The following ZFYVE26 variants were observed in gnomAD, a reference collection of about 807,000 sequenced individuals.
The protein encoded by ZFYVE26 is zinc finger FYVE domain-containing protein 26.
In ZFYVE26, 181 loss-of-function variants were observed where a neutral mutation model predicts 276.5. That is an observed-to-expected ratio of 0.65 (90% CI 0.58 to 0.74). The LOEUF (loss-of-function observed/expected upper bound fraction) is 0.74, where lower values mean the gene tolerates loss of function less well. ZFYVE26 is among the 30% of genes least tolerant of loss of function. The probability of loss-of-function intolerance (pLI) is 0.00; values close to 1 mark genes in which losing one functional copy is unlikely to be tolerated. For missense variants in ZFYVE26, 2,821 were observed against 3,097.9 expected (o/e 0.91, Z 2.12); for synonymous variants, 1,129 against 1,203.1 (o/e 0.94, Z 1.27).
chr14:67,812,852 T>C (rs1273891931), intron 3 of ZFYVE26, among the ~76,000 whole-genome samples: 1 of 152,268 alleles, frequency 6.6e-6, no homozygotes, highest in Non-Finnish European at 1.5e-5. Flanking sequence ...GATACTATAG[T>C]AACTATAGGT....
rs566537373 is a variant in ZFYVE26, at chr14:67,755,782, CTAA to C, written c.6786+163_6786+165del. The stretch of plus-strand genomic sequence containing the variant: ...TGCCCCCAAACTTAGGATGGAAATC[CTAA>C]TATTATTTAACAATACTGGAGAGCA... On this transcript the variant is annotated intron_variant, in intron 36 of 41. Transcript: ENST00000347230. 7.6e-4 allele frequency among the ~76,000 whole-genome samples: 115 copies of C among 152,196 alleles called. 1 individual carries two copies. The highest frequency in any genetic ancestry group is 2.7e-3 in the African/African-American group (112 of 41,532).
In ZFYVE26 at chr14:67,790,656, T is replaced by C. The variant is rs774459902; in HGVS notation, c.2671A>G (p.Asn891Asp). The change falls in exon 15 of 42, where the codon AAC becomes GAC. Residue 891 changes from asparagine to aspartate, a missense_variant. Transcript: ENST00000347230. ...ATGGTGCTGCTACCCGCATCTGAGT[T>C]CTGGTTTTCAATCTTGTGCTCTACT... ...AQVEHKIENQ[N>D]SDAGSSTIRR... 2 of 1,614,180 alleles carry C rather than the reference T, an allele frequency of 1.2e-6. No homozygotes were observed. Among genetic ancestry groups the C allele is most frequent in the Non-Finnish European group, 1.7e-6 (2 of 1,180,002 alleles).
chr14:67,750,077 C>A (rs550138290), intron 41 of ZFYVE26, among the ~76,000 whole-genome samples: 1 of 152,302 alleles, frequency 6.6e-6, no homozygotes, highest in South Asian at 2.1e-4. Flanking sequence ...TCAGTGAAGG[C>A]TTGAGAAAGA....
chr14:67,798,308 C>G lies in ZFYVE26; in HGVS notation c.1954G>C (p.Glu652Gln), dbSNP rs1204982872. The part of the protein sequence containing the change: ...AYTMPSHVKA[E>Q]PKDSYPGPHR... ...GGCCCTGGGTAACTGTCTTTTGGCT[C>G]TGCCTTCACATGGCTTGGCATTGTA... Residue 652 changes from glutamate (E) to glutamine (Q), a missense_variant, in exon 11 of 42, where the codon GAG (glutamate) becomes CAG (glutamine). By Grantham distance (29) the Glu-to-Gln change is conservative. Coordinates refer to ENST00000347230, the MANE Select transcript of ZFYVE26 (RefSeq NM_015346.4). 6.2e-7 allele frequency: 1 copy of G among 1,613,882 alleles called. No homozygotes were observed. Among genetic ancestry groups the G allele is most frequent in the Non-Finnish European group, 8.5e-7 (1 of 1,179,928 alleles).
chr14:67,797,349 T>C (rs1465082900), intron 12 of ZFYVE26: 1 of 367,360 alleles, frequency 2.7e-6, no homozygotes, highest in Non-Finnish European at 5.1e-6. Flanking sequence ...GTATTTAAAA[T>C]GGTAAGTGAA....
At chr14:67,773,377 C>A (rs1439427693) in intron 27 of ZFYVE26, among the ~76,000 whole-genome samples, 1 of 151,940 alleles carries the variant, frequency 6.6e-6, no homozygotes, top group Non-Finnish European at 1.5e-5. Flanking sequence ...AAAGCAAGAT[C>A]CTGTCTCTAC....
intron 41 of ZFYVE26, 163 bp downstream of exon 41, chr14:67,750,889 C>A: frequency 1.2e-6 from 1 of 868,370 alleles, no homozygotes; most frequent in African/African-American, 1.6e-5. Flanking sequence ...TCTATTCCCT[C>A]CTTTCTACAC....
chr14:67,812,190 T>C (rs2040316536), intron 3 of ZFYVE26, among the ~76,000 whole-genome samples: 1 of 152,178 alleles, frequency 6.6e-6, no homozygotes, highest in Non-Finnish European at 1.5e-5. Context: ...GTATTTTACA[T>C]ATAGATATAT....
chr14:67,806,785 G>C, intron 5 of ZFYVE26, 110 bp from the exon 6 acceptor site: 1 of 1,364,916 alleles, frequency 7.3e-7, no homozygotes, highest in South Asian at 1.2e-5. Flanking sequence ...AAAAACTTAG[G>C]CTGGGTTTTC....
At chr14:67,799,424 G>T (rs2040033797) in intron 10 of ZFYVE26, 3 of 1,612,460 alleles carry the variant, frequency 1.9e-6, no homozygotes, top group African/African-American at 2.7e-5. Flanking sequence ...GGCCAAAGAA[G>T]CAGAAACGAG....
intron 37 of ZFYVE26, 108 bp downstream of exon 37, chr14:67,754,943 G>C: frequency 1.5e-6 from 2 of 1,300,132 alleles, no homozygotes; most frequent in Non-Finnish European, 2.2e-6. Context: ...ATTCCCTTTA[G>C]ATTTTTTTTC....
At chr14:67,742,838 C>CTTCTTTTTTTTTTTTTTTTTTTTTT (rs769663149), downstream of ZFYVE26, among the ~76,000 whole-genome samples, 4 of 89,756 alleles carry the variant, frequency 4.5e-5, no homozygotes, top group South Asian at 3.4e-4. Flanking sequence ...TCTTCTTCTT[C>CTTCTTTTTTTTTTTTTTTTTTTTTT]TTTTTTTTTT....
At position 67,807,467 on chromosome 14, in the gene ZFYVE26, A is replaced by G. The variant is rs752604112; in HGVS notation, c.817T>C (p.Ser273Pro). 2 of 1,614,126 alleles carry G rather than the reference A, an allele frequency of 1.2e-6. No homozygotes were observed. Among genetic ancestry groups the G allele is most frequent in the East Asian group, 2.2e-5 (1 of 44,880 alleles). Residue 273 changes from serine (S) to proline (P), a missense_variant, in exon 5 of 42, where the codon TCC becomes CCC. Coordinates refer to ENST00000347230, the MANE Select transcript of ZFYVE26 (RefSeq NM_015346.4). ...LLHKASRGLL[S>P]LYGHTYAEKV... The stretch of plus-strand genomic sequence containing the variant: ...TCTGCATAGGTATGGCCATACAGGG[A>G]CAGCAGGCCCCGGCTGGCCTTGTGC...
rs748149642 is a variant in ZFYVE26 at position 67,798,469 on chromosome 14, TC to T, written c.1792del (p.Asp598ThrfsTer16). 1.9e-6 allele frequency: 3 copies of T among 1,614,192 alleles called. No homozygotes were observed. Among genetic ancestry groups the T allele is most frequent in the Non-Finnish European group, 2.5e-6 (3 of 1,180,038 alleles). ...CTCAATGTCATCATCCTCAGCATAG[TC>T]CTCAGGCAAGTGAGGCTCTGGGTGA... ...DLHPEPHLPE[D>X]YAEDDDIEGK... is the part of the protein sequence containing the mutation. On this transcript the variant is annotated frameshift_variant, in exon 11 of 42. Transcript: ENST00000347230. LOFTEE classifies it high-confidence loss of function.
chr14:67,754,822 A>G (rs955726804), intron 37 of ZFYVE26, among the ~76,000 whole-genome samples: 4 of 152,090 alleles, frequency 2.6e-5, no homozygotes, highest in Non-Finnish European at 5.9e-5. Flanking sequence ...AGGAGTATGG[A>G]GTGTAGTCTG....
Position 67,748,377 on chromosome 14 carries a change from C to A in ZFYVE26, c.*59G>T. The A allele has an allele frequency of 6.4e-7, 1 of 1,566,708 alleles. No individual in the cohort carries two copies. The highest frequency in any genetic ancestry group is 1.1e-5 in the South Asian group (1 of 88,798). On this transcript the variant is annotated 3_prime_UTR_variant, in exon 42 of 42. Coordinates refer to ENST00000347230, the MANE Select transcript of ZFYVE26 (RefSeq NM_015346.4). Reference sequence around the variant, plus strand: ...ACTGGAGGAAAGAGGTGGAGGGCATCGCCATCACTGCTGTTGCCCAGCTCT... The same window carrying A: ...ACTGGAGGAAAGAGGTGGAGGGCATAGCCATCACTGCTGTTGCCCAGCTCT...
intron 27 of ZFYVE26, 45 bp from the exon 28 acceptor site, chr14:67,772,255 C>G: frequency 6.3e-7 from 1 of 1,586,218 alleles, no homozygotes; most frequent in Non-Finnish European, 8.6e-7. Flanking sequence ...AATCAATATA[C>G]CAGCTTATAG....
At chr14:67,783,984 C>T (rs1253498679) in intron 20 of ZFYVE26, among the ~76,000 whole-genome samples, 1 of 152,164 alleles carries the variant, frequency 6.6e-6, no homozygotes, top group Non-Finnish European at 1.5e-5. Context: ...TGACAAACTG[C>T]CTTCCGACAG....
intron 5 of ZFYVE26, 86 bp downstream of exon 5, chr14:67,807,312 A>G: frequency 6.3e-7 from 1 of 1,584,224 alleles, no homozygotes; most frequent in Non-Finnish European, 8.6e-7. Flanking sequence ...CCTGAGCCAC[A>G]CGGAAGGCAG....
Sources: allele counts gnomAD v4.1 joint callset (sites outside exome capture counted in the v4.1 genomes callset), GRCh38; gene constraint gnomAD v4.1.1; transcripts MANE v1.5; gene names NCBI Gene and HGNC (gene_info 2026-07-23, HGNC 2026-07-21).